Variants in MYO7B observed in about 807,000 individuals in gnomAD.
MYO7B encodes the protein unconventional myosin-VIIb.
A neutral mutation model predicts 259.7 loss-of-function variants in MYO7B; 212 were observed. The observed-to-expected ratio is 0.82, with a 90% confidence interval of 0.73 to 0.91. MYO7B has a LOEUF of 0.91. Among genes scored for constraint, MYO7B ranks in the 40% least tolerant of loss-of-function variants. MYO7B has a pLI of 0.00. For synonymous variants in MYO7B, 1,197 were observed against 1,166.4 expected (o/e 1.03, Z -0.54); for missense variants, 2,732 against 2,813.5 (o/e 0.97, Z 0.66).
intron 18 of MYO7B, among the ~76,000 whole-genome samples, chr2:127,594,209 C>T (rs116158142): frequency 0.017 from 2,577 of 152,356 alleles, 78 homozygotes; most frequent in African/African-American, 0.059. Flanking sequence ...ACAAAGGAAG[C>T]TTCGGGGCCC....
intron 26 of MYO7B, 130 bp from the exon 27 acceptor site, chr2:127,620,210 C>A (rs1680773266): frequency 4.6e-6 from 5 of 1,092,358 alleles, no homozygotes; most frequent in Non-Finnish European, 6.5e-6. Context: ...CTGGGCAGGG[C>A]CCCGGCGCTG....
chr2:127,588,978 T>C (rs1188226767), intron 15 of MYO7B, among the ~76,000 whole-genome samples: 1 of 116,384 alleles, frequency 8.6e-6, no homozygotes, highest in Non-Finnish European at 1.7e-5. Flanking sequence ...GGTGGATGGG[T>C]AGTGGATGGG....
At chr2:127,571,441 A>AGTTTTTTTTTTGTTTTTT (rs1471728839) in intron 6 of MYO7B, among the ~76,000 whole-genome samples, 3 of 17,628 alleles carry the variant, frequency 1.7e-4, no homozygotes, top group Non-Finnish European at 2.2e-4. Context: ...CTTACCAGTG[A>AGTTTTTTTTTTGTTTTTT]GTTTTTTTTT....
At chr2:127,558,662 T>C (rs1236359996) in intron 1 of MYO7B, among the ~76,000 whole-genome samples, 1 of 152,174 alleles carries the variant, frequency 6.6e-6, no homozygotes, top group Non-Finnish European at 1.5e-5. Flanking sequence ...TATAGAGATA[T>C]AGACGTATAT....
At chr2:127,574,504 C>T (rs1008751279) in intron 7 of MYO7B, among the ~76,000 whole-genome samples, 2 of 152,238 alleles carry the variant, frequency 1.3e-5, no homozygotes, top group African/African-American at 4.8e-5. Context: ...TGCACCACTG[C>T]ACTCCAGCCT....
At chr2:127,608,660 C>A (rs1178042723) in intron 21 of MYO7B, 48 bp from the exon 22 acceptor site, 1 of 1,572,050 alleles carries the variant, frequency 6.4e-7, no homozygotes, top group Non-Finnish European at 8.7e-7. Flanking sequence ...GCTGGGCCCC[C>A]TGAGCCCTGC....
At chr2:127,540,736 G>T (rs950910001) in intron 1 of MYO7B, among the ~76,000 whole-genome samples, 2 of 152,128 alleles carry the variant, frequency 1.3e-5, no homozygotes, top group Admixed American at 1.3e-4. Flanking sequence ...AATGAATGAG[G>T]GTTTTCAAAG....
In MYO7B at chr2:127,564,152, G is replaced by C; in HGVS notation, c.19-1G>C. On this transcript the variant is annotated splice_acceptor_variant, in intron 2 of 47. Transcript: ENST00000409816. LOFTEE classifies it high-confidence loss of function. ...ACCACTGTCTTCTGTCTGCCCTCCA[G>C]GGTGACCACGTGTGGCTGGAGCCTC... is the stretch of plus-strand genomic sequence containing the variant. The C allele has an allele frequency of 6.4e-7, 1 of 1,556,746 alleles. No individual in the cohort carries two copies. Among genetic ancestry groups the C allele is most frequent in the Non-Finnish European group, 8.7e-7 (1 of 1,148,838 alleles).
At chr2:127,544,316 A>G (rs1479625399) in intron 1 of MYO7B, among the ~76,000 whole-genome samples, 1 of 152,192 alleles carries the variant, frequency 6.6e-6, no homozygotes, top group Non-Finnish European at 1.5e-5. Context: ...ATACTCATAT[A>G]TCAACACATA....
At position 127,607,457 on chromosome 2, in the gene MYO7B, G is replaced by A. The variant is rs900765564; in HGVS notation, c.2643+33G>A. On this transcript the variant is annotated intron_variant, in intron 21 of 47. Transcript: ENST00000409816. The surrounding 1 kb of genome is among the most constrained non-coding windows in gnomAD (Gnocchi z 4.4). Reference sequence around the variant, plus strand: ...GTCACCTGGCCTCTTGGGCAGGTGGGGCTGGCTGGGGCCCCAGTGGGTGAG... The same window carrying A: ...GTCACCTGGCCTCTTGGGCAGGTGGAGCTGGCTGGGGCCCCAGTGGGTGAG... 8 of 1,542,914 alleles carry A rather than the reference G, an allele frequency of 5.2e-6. No individual in the cohort carries two copies. In the Admixed American group the frequency reaches 1.2e-4, roughly 23 times the overall value.
In MYO7B at chr2:127,614,807, A is replaced by T. The variant is rs146443841; in HGVS notation, c.3398+2204A>T. Among the ~76,000 whole-genome samples the T allele has an allele frequency of 3.3e-3, 502 of 152,290 alleles. 3 individuals are homozygous for T. The highest frequency in any genetic ancestry group is 0.011 in the African/African-American group (449 of 41,554). ...TCTTATCTTCCCTTATGCAGGCTGG[A>T]GGTGGCTTGGTGGCTGCACTAGTTC... On this transcript the variant is annotated intron_variant, in intron 26 of 47. Coordinates refer to ENST00000409816, the MANE Select transcript of MYO7B (RefSeq NM_001393586.1). This position sits in a 1 kb window ranked among gnomAD's most constrained non-coding sequence, Gnocchi z 4.6.
intron 9 of MYO7B, among the ~76,000 whole-genome samples, chr2:127,579,022 A>C (rs78002028): frequency 0.012 from 1,880 of 152,282 alleles, 40 homozygotes; most frequent in African/African-American, 0.043. Context: ...AAAATAACCA[A>C]AAGGAAGAAC....
At chr2:127,633,036 G>A (rs979896983) in intron 39 of MYO7B, among the ~76,000 whole-genome samples, 9 of 152,234 alleles carry the variant, frequency 5.9e-5, no homozygotes, top group African/African-American at 2.2e-4. Context: ...CCTTCCCCGT[G>A]TGTGCCCCAG....
chr2:127,561,136 G>C (rs1482098901), intron 2 of MYO7B, among the ~76,000 whole-genome samples: 1 of 152,074 alleles, frequency 6.6e-6, no homozygotes, highest in East Asian at 1.9e-4. Flanking sequence ...ATGCATCAAC[G>C]CCAAATGTCC....
chr2:127,627,343 C>T lies in MYO7B; in HGVS notation c.4460+33C>T, dbSNP rs761600401. ...CCCTGAGGGAAGATCTCTTCTTACA[C>T]ACTGAGTCCTTGTGATGCATCTGGG... On this transcript the variant is annotated intron_variant, in intron 33 of 47. Coordinates refer to ENST00000409816, the MANE Select transcript of MYO7B (RefSeq NM_001393586.1). The surrounding 1 kb of genome is among the most constrained non-coding windows in gnomAD (Gnocchi z 5.6). 3.7e-6 allele frequency: 6 copies of T among 1,609,264 alleles called. No homozygotes were observed. The South Asian group carries it at 6.6e-5, about 18-fold the overall frequency.
intron 15 of MYO7B, among the ~76,000 whole-genome samples, chr2:127,588,992 AT>A: frequency 1.3e-5 from 1 of 79,630 alleles, no homozygotes. Context: ...GGATGGGTGG[AT>A]GGATGGGTGA....
chr2:127,628,137 A>G lies in MYO7B; in HGVS notation c.4461-235A>G. The G allele has an allele frequency of 1.5e-6, 1 of 669,484 alleles. No individual in the cohort carries two copies. 41.5% of individuals were successfully genotyped at this position (669,484 alleles called of 1,614,324 possible). A position where few individuals can be genotyped will look rare whatever the true frequency, so the allele number is the denominator to read the frequency against. ...ACACCAGCCACCTCATTATCTGCCC[A>G]CAGCCAACCCCACACATGGGCTGCA... On this transcript the variant is annotated intron_variant, in intron 33 of 47. Coordinates refer to ENST00000409816, the MANE Select transcript of MYO7B (RefSeq NM_001393586.1). This position sits in a 1 kb window ranked among gnomAD's most constrained non-coding sequence, Gnocchi z 4.8.
In MYO7B at chr2:127,636,919, C is replaced by A; in HGVS notation, c.6327+6C>A. 1 of 1,610,818 alleles carries A rather than the reference C, an allele frequency of 6.2e-7. No homozygotes were observed. On this transcript the variant is annotated splice_donor_region_variant and intron_variant, in intron 47 of 47. Coordinates refer to ENST00000409816, the MANE Select transcript of MYO7B (RefSeq NM_001393586.1). The surrounding 1 kb of genome is among the most constrained non-coding windows in gnomAD (Gnocchi z 4.5). The stretch of plus-strand genomic sequence containing the variant: ...TGCTGTGCGAGACCTCCCTGGTGAG[C>A]TCAGGTTCTTTCTCCCATCCAAGAT...
chr2:127,633,610 A>ACTC (rs1276824919), intron 40 of MYO7B, among the ~76,000 whole-genome samples: 2 of 152,136 alleles, frequency 1.3e-5, no homozygotes, highest in East Asian at 3.9e-4. Flanking sequence ...GAGAGGACAG[A>ACTC]GGGGTGGGCA....
Sources: gnomAD v4.1 joint callset for allele counts (sites outside exome capture counted in the v4.1 genomes callset) on GRCh38, gnomAD v4.1.1 for gene constraint, Gnocchi (gnomAD v3.1) non-coding constraint, MANE v1.5 for transcripts, NCBI Gene and HGNC (gene_info 2026-07-23, HGNC 2026-07-21) for gene names.